The following MEIOB variants were observed in gnomAD, a reference collection of about 807,000 sequenced individuals.
MEIOB encodes meiosis specific with OB-fold.
In MEIOB, 50 loss-of-function variants were observed where a neutral mutation model predicts 53.1. The observed-to-expected ratio is 0.94, with a 90% confidence interval of 0.75 to 1.19. The LOEUF (loss-of-function observed/expected upper bound fraction) is 1.19. Among genes scored for constraint, MEIOB ranks in the 50% most tolerant of loss-of-function variants. MEIOB has a pLI of 0.00. For missense variants in MEIOB, 551 were observed against 550.8 expected (o/e 1.00, Z 0.00); for synonymous variants, 192 against 182.5 (o/e 1.05, Z -0.42).
At position 1,870,534 on chromosome 16, in the gene MEIOB, T is replaced by C. The variant is rs146446236; in HGVS notation, c.-10+1459A>G. 3.5e-3 allele frequency among the ~76,000 whole-genome samples: 530 copies of C among 152,362 alleles called. 4 individuals carry two copies. The highest frequency in any genetic ancestry group is 0.017 in the Middle Eastern group (5 of 294). On this transcript the variant is annotated intron_variant, in intron 1 of 13. Coordinates refer to ENST00000325962, the MANE Select transcript of MEIOB (RefSeq NM_001163560.3). Reference sequence around the variant, plus strand: ...ACCACTAGTTTGTAGTCGTGTGTTTTAACATTACTAAACATTAATTTCCTC... The same window carrying C: ...ACCACTAGTTTGTAGTCGTGTGTTTCAACATTACTAAACATTAATTTCCTC...
chr16:1,842,904 C>T (rs1898949039), intron 10 of MEIOB, among the ~76,000 whole-genome samples: 2 of 149,402 alleles, frequency 1.3e-5, no homozygotes, highest in South Asian at 4.2e-4. Flanking sequence ...CCTCGTGATC[C>T]GCCCGCCTCG....
intron 9 of MEIOB, 109 bp downstream of exon 9, chr16:1,852,929 CT>C (rs1198258091): frequency 1.4e-6 from 1 of 701,696 alleles, no homozygotes; most frequent in Non-Finnish European, 2.3e-6. Context: ...ATTTTTACTT[CT>C]AATTTGAATT....
At chr16:1,838,378 G>A (rs1019129209) in intron 12 of MEIOB, among the ~76,000 whole-genome samples, 1 of 152,118 alleles carries the variant, frequency 6.6e-6, no homozygotes, top group African/African-American at 2.4e-5. Flanking sequence ...AGGTATCTCA[G>A]CAAGGAAAAA....
chr16:1,859,132 A>T (rs1228096417), intron 5 of MEIOB, among the ~76,000 whole-genome samples: 1 of 151,970 alleles, frequency 6.6e-6, no homozygotes, highest in Non-Finnish European at 1.5e-5. Context: ...GCGCTACCAC[A>T]AACAGAGTAG....
intron 11 of MEIOB, chr16:1,841,012 CTTTTTTTTTTT>C (rs57826143): frequency 9.4e-6 from 1 of 106,460 alleles, no homozygotes; most frequent in Non-Finnish European, 1.8e-5. Context: ...TCTTTTCTTT[CTTTTTTTTTTT>C]TTTTTTTTTT....
At chr16:1,860,560 A>C in intron 4 of MEIOB, 85 bp from the exon 5 acceptor site, 1 of 738,462 alleles carries the variant, frequency 1.4e-6, no homozygotes. Context: ...TGTTTAATTT[A>C]TGATCATCAT....
At chr16:1,857,373 A>C (rs1899333765) in intron 6 of MEIOB, among the ~76,000 whole-genome samples, 1 of 152,140 alleles carries the variant, frequency 6.6e-6, no homozygotes, top group Admixed American at 6.6e-5. Context: ...CCCTTAACTT[A>C]TTCAACTACG....
At chr16:1,840,689 C>T (rs1245864806) in intron 11 of MEIOB, among the ~76,000 whole-genome samples, 1 of 152,016 alleles carries the variant, frequency 6.6e-6, no homozygotes, top group Non-Finnish European at 1.5e-5. Flanking sequence ...GCTGGGACTA[C>T]AGGCGCCCAC....
At chr16:1,848,534 T>C (rs1487460428) in intron 9 of MEIOB, among the ~76,000 whole-genome samples, 4 of 143,876 alleles carry the variant, frequency 2.8e-5, no homozygotes, top group Non-Finnish European at 4.6e-5. Flanking sequence ...TTCTCCTTTT[T>C]TTTTTTTTCC....
intron 6 of MEIOB, among the ~76,000 whole-genome samples, chr16:1,856,266 CT>C (rs1256694264): frequency 1.3e-4 from 20 of 151,926 alleles, no homozygotes; most frequent in African/African-American, 4.8e-4. Flanking sequence ...AGTGATTCTC[CT>C]GACTCAGCCT....
At chr16:1,849,114 G>C (rs61589779) in intron 9 of MEIOB, among the ~76,000 whole-genome samples, 1 of 151,712 alleles carries the variant, frequency 6.6e-6, no homozygotes, top group East Asian at 2.0e-4. Flanking sequence ...GCAAAACCCC[G>C]TCTCTACGAA....
intron 5 of MEIOB, among the ~76,000 whole-genome samples, chr16:1,858,535 CCTAA>C (rs1899364736): frequency 6.6e-6 from 1 of 152,190 alleles, no homozygotes; most frequent in Non-Finnish European, 1.5e-5. Flanking sequence ...GCCTTGCTAT[CCTAA>C]CTAAGCTTCA....
In MEIOB at chr16:1,853,097, T is replaced by C. The variant is rs1300299760; in HGVS notation, c.720A>G (p.Lys240=). 1 of 1,612,998 alleles carries C rather than the reference T, an allele frequency of 6.2e-7. No homozygotes were observed. Among genetic ancestry groups the C allele is most frequent in the Non-Finnish European group, 8.5e-7 (1 of 1,179,250 alleles). ...FASDVRINFD[K]FRNCMTATVI... ...CAGTTGCTGTCATGCAGTTCCGAAA[T>C]TTGTCAAAATTTATTCTTACATCTG... The change falls in exon 9 of 14, where the codon AAA becomes AAG. Residue 240 remains lysine, a synonymous_variant. Transcript: ENST00000325962.
At chr16:1,867,816 T>C (rs1899633206) in intron 2 of MEIOB, among the ~76,000 whole-genome samples, 1 of 152,306 alleles carries the variant, frequency 6.6e-6, no homozygotes, top group East Asian at 1.9e-4. Context: ...ATTAAATTTT[T>C]CACTTTATAA....
At chr16:1,863,451 A>G (rs1483123892) in intron 3 of MEIOB, among the ~76,000 whole-genome samples, 1 of 150,536 alleles carries the variant, frequency 6.6e-6, no homozygotes. Context: ...CAATGGCGCG[A>G]TCTCAGCTCA....
At chr16:1,857,701 G>A (rs427948) in intron 6 of MEIOB, 34 bp downstream of exon 6, 1,280,933 of 1,528,710 alleles carry the variant, frequency 0.84, 537,397 homozygotes, top group Middle Eastern at 0.88. Flanking sequence ...TCCCCTGCCA[G>A]ATTGCACTTG....
At chr16:1,835,127 C>T (rs959840263) in intron 13 of MEIOB, among the ~76,000 whole-genome samples, 3 of 152,006 alleles carry the variant, frequency 2.0e-5, no homozygotes, top group Non-Finnish European at 4.4e-5. Context: ...TGGTGGTGCA[C>T]ACCTGTGGTC....
chr16:1,835,263 A>C (rs75808584), intron 13 of MEIOB, among the ~76,000 whole-genome samples: 1 of 143,096 alleles, frequency 7.0e-6, no homozygotes, highest in East Asian at 2.3e-4. Context: ...ACTGTGTCTC[A>C]AAAAAAAAAA....
intron 6 of MEIOB, among the ~76,000 whole-genome samples, chr16:1,857,521 C>T (rs1287328777): frequency 1.3e-5 from 2 of 152,338 alleles, no homozygotes; most frequent in Non-Finnish European, 2.9e-5. Context: ...CTGCATTTAG[C>T]ATTCAAATAC....
Sources: gnomAD v4.1 joint callset for allele counts (sites outside exome capture counted in the v4.1 genomes callset) on GRCh38, gnomAD v4.1.1 for gene constraint, MANE v1.5 for transcripts, NCBI Gene and HGNC (gene_info 2026-07-23, HGNC 2026-07-21) for gene names.